The following PKP1 variants were observed in gnomAD, a reference collection of about 807,000 sequenced individuals.
PKP1 encodes the protein plakophilin-1.
In PKP1, 27 loss-of-function variants were observed where a neutral mutation model predicts 76.4. The ratio of observed to expected loss-of-function variants is 0.35; its 90% CI spans 0.26 to 0.49. The LOEUF is 0.49. Among genes scored for constraint, PKP1 ranks in the 20% least tolerant of loss-of-function variants. PKP1 has a pLI of 0.99. For synonymous variants in PKP1, 404 were observed against 384.2 expected, an observed-to-expected ratio of 1.05 and a Z score of -0.60; for missense variants, 964 against 955.2, an observed-to-expected ratio of 1.01 and a Z score of -0.12.
intron 2 of PKP1, among the ~76,000 whole-genome samples, chr1:201,299,386 G>A (rs1025069434): frequency 3.3e-5 from 5 of 152,200 alleles, no homozygotes; most frequent in Non-Finnish European, 7.3e-5. Flanking sequence ...AGTGGGAGGC[G>A]TGGATTCCAG....
intron 13 of PKP1, among the ~76,000 whole-genome samples, chr1:201,329,173 C>T (rs887357694): frequency 6.6e-6 from 1 of 152,216 alleles, no homozygotes; most frequent in Admixed American, 6.5e-5. Context: ...ACATGGACTA[C>T]AGTGAGTTCT....
chr1:201,306,095 T>C lies in PKP1; in HGVS notation c.307-7071T>C, dbSNP rs1223587429. On this transcript the variant is annotated intron_variant, in intron 2 of 13. Coordinates refer to ENST00000367324, the MANE Select transcript of PKP1 (RefSeq NM_001005337.3). Reference sequence around the variant, plus strand: ...CCTTCCAAAAGGAAACAGACAGGTCTGTGTATGAAACCTTAGGTTCTTGTT... The same window carrying C: ...CCTTCCAAAAGGAAACAGACAGGTCCGTGTATGAAACCTTAGGTTCTTGTT... Among the ~76,000 whole-genome samples the C allele has an allele frequency of 2.0e-5, 3 of 152,240 alleles. No homozygotes were observed. The East Asian group carries it at 5.8e-4, about 29-fold the overall frequency.
chr1:201,317,493 A>C, intron 4 of PKP1, 79 bp from the exon 5 acceptor site: 1 of 1,295,160 alleles, frequency 7.7e-7, no homozygotes, highest in South Asian at 1.2e-5. Flanking sequence ...TCTGAAAAAA[A>C]AAATCACCTT....
intron 1 of PKP1, among the ~76,000 whole-genome samples, chr1:201,287,358 C>A (rs758745435): frequency 3.3e-5 from 5 of 152,130 alleles, no homozygotes; most frequent in Non-Finnish European, 5.9e-5. Flanking sequence ...CTCAGGAGCC[C>A]CCACTTTGAT....
chr1:201,313,845 T>G (rs1439537182), intron 3 of PKP1, among the ~76,000 whole-genome samples: 1 of 152,194 alleles, frequency 6.6e-6, no homozygotes, highest in Non-Finnish European at 1.5e-5. Flanking sequence ...GTTCTCAAAG[T>G]GTGTTCCTCC....
At chr1:201,311,677 T>C (rs1191660527) in intron 2 of PKP1, among the ~76,000 whole-genome samples, 3 of 141,486 alleles carry the variant, frequency 2.1e-5, no homozygotes, top group Non-Finnish European at 4.7e-5. Flanking sequence ...CGACCTCCCC[T>C]ACACACACAT....
At chr1:201,301,080 G>A (rs1253045630) in intron 2 of PKP1, among the ~76,000 whole-genome samples, 4 of 152,200 alleles carry the variant, frequency 2.6e-5, no homozygotes, top group South Asian at 4.1e-4. Context: ...CCTCAGGGCC[G>A]AGTGAGCACG....
intron 8 of PKP1, among the ~76,000 whole-genome samples, chr1:201,322,551 T>A (rs1270276451): frequency 6.6e-6 from 1 of 152,174 alleles, no homozygotes; most frequent in Non-Finnish European, 1.5e-5. Context: ...AGCAGAAGCC[T>A]ACCAGGGATG....
At position 201,299,746 on chromosome 1, in the gene PKP1, T is replaced by G. The variant is rs139616667; in HGVS notation, c.306+5701T>G. Among the ~76,000 whole-genome samples the G allele has an allele frequency of 1.2e-4, 18 of 152,346 alleles. 1 individual carries two copies. The East Asian group carries it at 3.5e-3, about 29-fold the overall frequency. ...CAACAGGATGAAAAGATGGTAGGACTTCATTTACTTTAGCTTCACAGACAG... is the reference window on the plus strand; with the variant it reads ...CAACAGGATGAAAAGATGGTAGGACGTCATTTACTTTAGCTTCACAGACAG... On this transcript the variant is annotated intron_variant, in intron 2 of 13. Transcript: ENST00000367324.
chr1:201,307,390 A>T (rs909297569), intron 2 of PKP1, among the ~76,000 whole-genome samples: 1 of 152,156 alleles, frequency 6.6e-6, no homozygotes, highest in Non-Finnish European at 1.5e-5. Flanking sequence ...GCAGGGATCG[A>T]CACTTCCCCT....
chr1:201,293,930 T>G lies in PKP1; in HGVS notation c.203-12T>G, dbSNP rs1279694462. The G allele has an allele frequency of 1.9e-6, 3 of 1,589,568 alleles. No homozygotes were observed. The highest frequency in any genetic ancestry group is 2.6e-6 in the Non-Finnish European group (3 of 1,159,692). Reference sequence around the variant, plus strand: ...GGCCATCCCTGTCCTAATCCCCTCCTTTCTCCTCTAGGTTCCATGTATGAT... The same window carrying G: ...GGCCATCCCTGTCCTAATCCCCTCCGTTCTCCTCTAGGTTCCATGTATGAT... On this transcript the variant is annotated splice_polypyrimidine_tract_variant and intron_variant, in intron 1 of 13. Transcript: ENST00000367324.
At chr1:201,322,658 G>C (rs1656981528) in intron 8 of PKP1, among the ~76,000 whole-genome samples, 1 of 152,162 alleles carries the variant, frequency 6.6e-6, no homozygotes, top group African/African-American at 2.4e-5. Flanking sequence ...TCTGAGTCTG[G>C]AAGAGGAGGA....
intron 1 of PKP1, among the ~76,000 whole-genome samples, chr1:201,288,556 T>C (rs1196599509): frequency 1.3e-5 from 2 of 152,200 alleles, no homozygotes; most frequent in Non-Finnish European, 2.9e-5. Context: ...ACCACTGTTC[T>C]AGTCCCTGTC....
chr1:201,318,551 C>T, intron 5 of PKP1, 67 bp from the exon 6 acceptor site: 2 of 1,419,200 alleles, frequency 1.4e-6, no homozygotes, highest in Non-Finnish European at 2.0e-6. Context: ...CAGGCTGGGG[C>T]TGTTACCTCG....
In PKP1 at chr1:201,325,855, T is replaced by C. The variant is rs1279406943; in HGVS notation, c.2106+17T>C. 1 of 1,586,066 alleles carries C rather than the reference T, an allele frequency of 6.3e-7. No homozygotes were observed. The highest frequency in any genetic ancestry group is 1.1e-5 in the South Asian group (1 of 90,438). ...CTCAGACAGGTAAGAGCCCAGGACA[T>C]CATCCTCTTCTGAGGTTCTTCCTGC... On this transcript the variant is annotated intron_variant, in intron 12 of 13. Transcript: ENST00000367324.
intron 2 of PKP1, among the ~76,000 whole-genome samples, chr1:201,304,836 T>A (rs1656328970): frequency 6.6e-6 from 1 of 152,198 alleles, no homozygotes; most frequent in Admixed American, 6.5e-5. Context: ...GTCTGCCCCA[T>A]CTTAGCTGCG....
intron 12 of PKP1, among the ~76,000 whole-genome samples, chr1:201,327,524 G>A (rs1238428125): frequency 3.3e-5 from 5 of 152,210 alleles, no homozygotes; most frequent in Non-Finnish European, 7.3e-5. Context: ...AAAGGGAGAC[G>A]AGGAGGCAGG....
intron 6 of PKP1, among the ~76,000 whole-genome samples, chr1:201,319,353 G>T (rs1656864680): frequency 1.3e-5 from 2 of 152,148 alleles, no homozygotes; most frequent in Admixed American, 6.5e-5. Flanking sequence ...GGTGGGTGTG[G>T]AGGGGCGGCT....
At chr1:201,325,917 G>T in intron 12 of PKP1, 79 bp downstream of exon 12, 2 of 1,093,596 alleles carry the variant, frequency 1.8e-6, no homozygotes, top group Non-Finnish European at 2.8e-6. Context: ...TGGGCTCTGG[G>T]CTGGGCACTA....
Sources: gnomAD v4.1 joint callset for allele counts (sites outside exome capture counted in the v4.1 genomes callset) on GRCh38, gnomAD v4.1.1 for gene constraint, MANE v1.5 for transcripts, NCBI Gene and HGNC (gene_info 2026-07-23, HGNC 2026-07-21) for gene names.